Variants in SLC7A2 observed in about 807,000 individuals in gnomAD.
SLC7A2 encodes cationic amino acid transporter 2.
Under a neutral mutation model 58.9 loss-of-function variants are expected in SLC7A2, and 48 were observed. The ratio of observed to expected loss-of-function variants is 0.82; its 90% CI spans 0.65 to 1.04. The LOEUF is 1.04. Ranked by LOEUF, SLC7A2 falls within the 50% of genes least tolerant of loss-of-function variation. SLC7A2 has a pLI of 0.00. For synonymous variants in SLC7A2, 363 were observed against 314.5 expected (o/e 1.15, Z -1.63); for missense variants, 1,029 against 818.8 (o/e 1.26, Z -3.13).
intron 12 of SLC7A2, among the ~76,000 whole-genome samples, chr8:17,564,446 G>A (rs1172257629): frequency 6.6e-6 from 1 of 152,146 alleles, no homozygotes; most frequent in Non-Finnish European, 1.5e-5. Flanking sequence ...CTTCTGTGGG[G>A]TATCTTACAT....
Position 17,517,873 on chromosome 8 carries a change from G to A in SLC7A2, c.-23+15571G>A, listed in dbSNP as rs78124634. Among the ~76,000 whole-genome samples the A allele has an allele frequency of 7.0e-3, 1,069 of 152,154 alleles. 19 individuals are homozygous for A. Among genetic ancestry groups the A allele is most frequent in the African/African-American group, 0.025 (1,044 of 41,492 alleles). On this transcript the variant is annotated intron_variant, in intron 2 of 12. Transcript: ENST00000494857. ...TAGCATTCTGTTTCTCACTGCTTCTGGGTTATGCAGCATGGAAGAGAGGGC... is the reference window on the plus strand; with the variant it reads ...TAGCATTCTGTTTCTCACTGCTTCTAGGTTATGCAGCATGGAAGAGAGGGC...
chr8:17,530,683 C>T (rs912625803), intron 2 of SLC7A2, among the ~76,000 whole-genome samples: 5 of 151,740 alleles, frequency 3.3e-5, no homozygotes, highest in African/African-American at 1.2e-4. Context: ...AGCGTTTCTC[C>T]TGCCTCAGCC....
chr8:17,548,849 A>G lies in SLC7A2; in HGVS notation c.698+6A>G. ...AATATATCAGCAAGTGCCAGGTAAA[A>G]TATTTGAGGTTTTTTTTTTTCTCCT... On this transcript the variant is annotated splice_donor_region_variant and intron_variant, in intron 5 of 12. Coordinates refer to ENST00000494857, the MANE Select transcript of SLC7A2 (RefSeq NM_001370338.1). The G allele has an allele frequency of 2.0e-6, 3 of 1,494,274 alleles. No individual in the cohort carries two copies. The highest frequency in any genetic ancestry group is 8.8e-7 in the Non-Finnish European group (1 of 1,132,512). The allele number at this position is 1,494,274 out of a possible 1,614,324, so 92.6% of individuals were successfully genotyped here.
chr8:17,570,314 G>T lies in SLC7A2; in HGVS notation c.*5168G>T, dbSNP rs1451564279. 1 of 152,444 alleles carries T rather than the reference G, an allele frequency of 6.6e-6. No individual in the cohort carries two copies. The highest frequency in any genetic ancestry group is 1.5e-5 in the Non-Finnish European group (1 of 68,004). The allele number at this position is 152,444 out of a possible 1,614,324, so 9.4% of individuals were successfully genotyped here. On this transcript the variant is annotated 3_prime_UTR_variant, in exon 13 of 13. Transcript: ENST00000494857. ...ATTGCAGTACTTAATAAAAATTGTT[G>T]ATAGGGCCCAAAACCCTACAGAAAT...
At position 17,514,730 on chromosome 8, in the gene SLC7A2, G is replaced by A. The variant is rs139155214; in HGVS notation, c.-23+12428G>A. On this transcript the variant is annotated intron_variant, in intron 2 of 12. Transcript: ENST00000494857. ...TGTCTTATAGAAATGTTCAATAAAG[G>A]CCTCATTCCTAAGCAGATTCTACTT... 3.3e-5 allele frequency among the ~76,000 whole-genome samples: 5 copies of A among 152,192 alleles called. No homozygotes were observed. The East Asian group carries it at 9.7e-4, about 29-fold the overall frequency.
rs1423608094 is a variant in SLC7A2, at chr8:17,567,060, A to G, written c.*1914A>G. On this transcript the variant is annotated 3_prime_UTR_variant, in exon 13 of 13. Coordinates refer to ENST00000494857, the MANE Select transcript of SLC7A2 (RefSeq NM_001370338.1). ...TAGCGTTATAGCATCCATGACACAG[A>G]ACTCATTACGGACATTCCACAACTT... is the stretch of plus-strand genomic sequence containing the variant. The G allele has an allele frequency of 1.3e-5, 2 of 152,632 alleles. No individual in the cohort carries two copies. The highest frequency in any genetic ancestry group is 2.9e-5 in the Non-Finnish European group (2 of 68,030). 9.5% of individuals were successfully genotyped at this position (152,632 alleles called of 1,614,324 possible). A position where few individuals can be genotyped will look rare whatever the true frequency, so the allele number is the denominator to read the frequency against.
chr8:17,556,153 C>A (rs1802691849), intron 8 of SLC7A2, among the ~76,000 whole-genome samples: 1 of 152,068 alleles, frequency 6.6e-6, no homozygotes, highest in Admixed American at 6.6e-5. Context: ...TAGATTTCTG[C>A]CCCCCTAAAA....
chr8:17,533,375 C>T (rs1487746474), intron 2 of SLC7A2, among the ~76,000 whole-genome samples: 1 of 152,196 alleles, frequency 6.6e-6, no homozygotes, highest in Non-Finnish European at 1.5e-5. Flanking sequence ...TAAATCTCAA[C>T]TCAGTTTCCC....
chr8:17,543,162 G>C (rs890628564), intron 2 of SLC7A2, among the ~76,000 whole-genome samples, 156 bp from the exon 3 acceptor site: 1 of 150,756 alleles, frequency 6.6e-6, no homozygotes, highest in Non-Finnish European at 1.5e-5. Context: ...GACTGCTCTG[G>C]GTCACTGCAT....
chr8:17,560,389 T>C lies in SLC7A2; in HGVS notation c.1360T>C (p.Ser454Pro). 6.2e-7 allele frequency: 1 copy of C among 1,614,068 alleles called. No homozygotes were observed. The highest frequency in any genetic ancestry group is 8.5e-7 in the Non-Finnish European group (1 of 1,179,928). ...KCSPEKDGLG[S>P]SPRVTSKSES... Reference sequence around the variant, plus strand: ...TTCTCCTGAGAAAGATGGTCTGGGATCGTCTCCCAGGGTAACCTCGAAGAG... The same window carrying C: ...TTCTCCTGAGAAAGATGGTCTGGGACCGTCTCCCAGGGTAACCTCGAAGAG... Residue 454 changes from serine to proline, a missense_variant, in exon 10 of 13, where the codon TCG becomes CCG. Ser to Pro is a moderately conservative substitution (Grantham distance 74). Transcript: ENST00000494857.
chr8:17,560,425 G>C lies in SLC7A2; in HGVS notation c.1396G>C (p.Val466Leu). Residue 466 changes from valine (V) to leucine (L), a missense_variant, in exon 10 of 13, where the codon GTC becomes CTC. Physicochemically the swap from Val to Leu is conservative, Grantham distance 32 (BLOSUM62 1). Coordinates refer to ENST00000494857, the MANE Select transcript of SLC7A2 (RefSeq NM_001370338.1). Reference sequence around the variant, plus strand: ...GGTAACCTCGAAGAGTGAGTCCCAGGTCACCATGCTGCAGAGACAGGGCTT... The same window carrying C: ...GGTAACCTCGAAGAGTGAGTCCCAGCTCACCATGCTGCAGAGACAGGGCTT... ...PRVTSKSESQ[V>L]TMLQRQGFSM... The C allele has an allele frequency of 6.2e-7, 1 of 1,614,080 alleles. No homozygotes were observed. The highest frequency in any genetic ancestry group is 8.5e-7 in the Non-Finnish European group (1 of 1,179,978).
intron 8 of SLC7A2, among the ~76,000 whole-genome samples, chr8:17,556,929 A>G (rs1178377505): frequency 6.6e-6 from 1 of 152,164 alleles, no homozygotes; most frequent in African/African-American, 2.4e-5. Flanking sequence ...AAAGTGAGGC[A>G]CGCAGTGTGT....
chr8:17,540,833 C>G (rs1801880199), intron 2 of SLC7A2, among the ~76,000 whole-genome samples: 1 of 152,142 alleles, frequency 6.6e-6, no homozygotes, highest in African/African-American at 2.4e-5. Context: ...AGTTTACCCA[C>G]AATCCTATTA....
chr8:17,508,545 G>C (rs12675916), intron 2 of SLC7A2, among the ~76,000 whole-genome samples: 2 of 152,018 alleles, frequency 1.3e-5, no homozygotes, highest in Non-Finnish European at 2.9e-5. Context: ...CCAACATGGC[G>C]AAACCACATC....
intron 6 of SLC7A2, among the ~76,000 whole-genome samples, chr8:17,551,159 T>C (rs1475872195): frequency 6.6e-6 from 1 of 152,226 alleles, no homozygotes; most frequent in Non-Finnish European, 1.5e-5. Flanking sequence ...GTAGTGCTGC[T>C]ATGTTACGGG....
rs531148652 is a variant in SLC7A2 at position 17,562,225 on chromosome 8, A to G, written c.1671+115A>G. ...TTTTTTTTTTTTTTTTGGAGATGGA[A>G]TCTCTCTCTTTGTCACTCAGGCTGG... On this transcript the variant is annotated intron_variant, in intron 11 of 12. Transcript: ENST00000494857. The G allele has an allele frequency of 1.4e-4, 114 of 797,612 alleles. No individual in the cohort carries two copies. The African/African-American group carries it at 2.7e-3, about 19-fold the overall frequency. 49.4% of individuals were successfully genotyped at this position (797,612 alleles called of 1,614,324 possible). A position where few individuals can be genotyped will look rare whatever the true frequency, so the allele number is the denominator to read the frequency against.
chr8:17,497,233 C>G lies in SLC7A2; in HGVS notation c.-73C>G, dbSNP rs1467429995. On this transcript the variant is annotated 5_prime_UTR_variant, in exon 1 of 13. Coordinates refer to ENST00000494857, the MANE Select transcript of SLC7A2 (RefSeq NM_001370338.1). ...CCTTCTTGGCGCGACCCCAACCCAG[C>G]CCCAGTAAGTTGCTAGGTCTCCAGC... The G allele has an allele frequency of 1.3e-5, 2 of 152,008 alleles. No homozygotes were observed. The highest frequency in any genetic ancestry group is 2.9e-5 in the Non-Finnish European group (2 of 67,968). The allele number at this position is 152,008 out of a possible 1,614,324, so 9.4% of individuals were successfully genotyped here.
intron 2 of SLC7A2, among the ~76,000 whole-genome samples, chr8:17,538,150 A>G (rs1353419408): frequency 6.6e-6 from 1 of 152,178 alleles, no homozygotes; most frequent in Non-Finnish European, 1.5e-5. Context: ...TTGAAATACT[A>G]TGTTTTTAGT....
In SLC7A2 at chr8:17,560,463, C is replaced by T; in HGVS notation, c.1434C>T (p.Thr478=). The part of the protein sequence containing the change: ...MLQRQGFSMR[T]LFCPSLLPTQ... ...AGAGACAGGGCTTCAGCATGCGGAC[C>T]CTCTTCTGCCCCTCCCTTCTGCCAA... The change falls in exon 10 of 13, where the codon ACC becomes ACT. Residue 478 remains threonine (T), a synonymous_variant. Transcript: ENST00000494857. The T allele has an allele frequency of 6.2e-7, 1 of 1,613,972 alleles. No homozygotes were observed. Among genetic ancestry groups the T allele is most frequent in the African/African-American group, 1.3e-5 (1 of 75,012 alleles).
Sources: allele counts gnomAD v4.1 joint callset (sites outside exome capture counted in the v4.1 genomes callset), GRCh38; gene constraint gnomAD v4.1.1; transcripts MANE v1.5; gene names NCBI Gene and HGNC (gene_info 2026-07-23, HGNC 2026-07-21).